DLGAP2: variants seen among roughly 807,000 people sequenced by gnomAD.
DLGAP2 encodes disks large-associated protein 2.
Under a neutral mutation model 100.3 loss-of-function variants are expected in DLGAP2, and 26 were observed. The observed-to-expected ratio is 0.26, with a 90% CI of 0.19 to 0.36. DLGAP2 has a LOEUF of 0.36. Among genes scored for constraint, DLGAP2 ranks in the 10% least tolerant of loss-of-function variants. The probability of loss-of-function intolerance (pLI) is 1.00; values close to 1 mark genes in which losing one functional copy is unlikely to be tolerated. For synonymous variants in DLGAP2, 886 were observed against 630.1 expected, an observed-to-expected ratio of 1.41 and a Z score of -6.08; for missense variants, 1,858 against 1,453.2, an observed-to-expected ratio of 1.28 and a Z score of -4.53.
At chr8:1,150,618 G>A (rs13277739) in intron 2 of DLGAP2, among the ~76,000 whole-genome samples, 64,688 of 152,082 alleles carry the variant, frequency 0.43, 15,323 homozygotes, top group Non-Finnish European at 0.54. Context: ...GGAGAGAAGG[G>A]TGGTGTCCAT....
At chr8:760,365 C>G (rs1018747943) in intron 1 of DLGAP2, among the ~76,000 whole-genome samples, 1 of 152,176 alleles carries the variant, frequency 6.6e-6, no homozygotes, top group Non-Finnish European at 1.5e-5. Context: ...CATCTCTCTC[C>G]TGGTTAGACC....
chr8:1,548,062 C>G (rs534044518), intron 4 of DLGAP2, among the ~76,000 whole-genome samples: 1 of 152,126 alleles, frequency 6.6e-6, no homozygotes, highest in East Asian at 1.9e-4. Flanking sequence ...CCACAAAATC[C>G]GGCTGTCAAG....
At chr8:1,169,900 C>T (rs541935352) in intron 2 of DLGAP2, among the ~76,000 whole-genome samples, 1 of 152,096 alleles carries the variant, frequency 6.6e-6, no homozygotes, top group South Asian at 2.1e-4. Flanking sequence ...ATTGCCCTGG[C>T]TAGAACTTCC....
At chr8:941,739 C>G (rs1399088362) in intron 2 of DLGAP2, among the ~76,000 whole-genome samples, 1 of 152,182 alleles carries the variant, frequency 6.6e-6, no homozygotes, top group Non-Finnish European at 1.5e-5. Context: ...GATGAGCTCT[C>G]TAGCATTTAG....
chr8:822,480 C>T (rs1236307261), intron 1 of DLGAP2, among the ~76,000 whole-genome samples: 2 of 152,190 alleles, frequency 1.3e-5, no homozygotes, highest in Non-Finnish European at 2.9e-5. Context: ...TTCTCATGCG[C>T]ACAGTGTTTC....
intron 2 of DLGAP2, among the ~76,000 whole-genome samples, chr8:1,066,431 G>A (rs567344755): frequency 6.6e-6 from 1 of 151,280 alleles, no homozygotes; most frequent in South Asian, 2.1e-4. Flanking sequence ...AGGTCTGAGT[G>A]AGGGCAGCTC....
chr8:970,848 A>G (rs1030393096), intron 2 of DLGAP2, among the ~76,000 whole-genome samples: 1 of 152,218 alleles, frequency 6.6e-6, no homozygotes, highest in Non-Finnish European at 1.5e-5. Context: ...TGAAATTTCC[A>G]TTGTCAGACC....
intron 1 of DLGAP2, among the ~76,000 whole-genome samples, chr8:863,202 G>T (rs988811915): frequency 2.0e-5 from 3 of 152,176 alleles, no homozygotes; most frequent in Non-Finnish European, 4.4e-5. Flanking sequence ...TTGTGGAAGG[G>T]GCAGTGGCAG....
chr8:787,647 C>T (rs1821908750), intron 1 of DLGAP2, among the ~76,000 whole-genome samples: 1 of 152,208 alleles, frequency 6.6e-6, no homozygotes, highest in South Asian at 2.1e-4. Flanking sequence ...TGGCCTCTTC[C>T]CCCCTTGGCC....
chr8:1,032,647 G>T (rs548036552), intron 2 of DLGAP2: 1 of 152,184 alleles, frequency 6.6e-6, no homozygotes, highest in Non-Finnish European at 1.5e-5. Context: ...AGTGGACAAG[G>T]AGGAAATATT....
At chr8:996,334 C>T (rs919113891) in intron 2 of DLGAP2, among the ~76,000 whole-genome samples, 4 of 152,234 alleles carry the variant, frequency 2.6e-5, no homozygotes, top group Middle Eastern at 3.4e-3. Context: ...AGCTCTTCTC[C>T]GAGGGCCCCA....
At chr8:1,491,072 G>A (rs1320675630) in intron 3 of DLGAP2, among the ~76,000 whole-genome samples, 3 of 19,906 alleles carry the variant, frequency 1.5e-4, no homozygotes, top group Admixed American at 8.8e-4. Context: ...AAATAAACTG[G>A]AAACCAAAAA....
At chr8:817,493 C>T (rs1252127105) in intron 1 of DLGAP2, among the ~76,000 whole-genome samples, 4 of 152,148 alleles carry the variant, frequency 2.6e-5, no homozygotes, top group Non-Finnish European at 4.4e-5. Flanking sequence ...GGTTTGGATC[C>T]ATTGCTGGTG....
chr8:1,276,698 A>G (rs1026086760), intron 3 of DLGAP2, among the ~76,000 whole-genome samples: 3 of 151,756 alleles, frequency 2.0e-5, no homozygotes, highest in Non-Finnish European at 2.9e-5. Flanking sequence ...AGAACAAGAC[A>G]CTCTTGTTCA....
At chr8:1,160,773 G>A (rs10102610) in intron 2 of DLGAP2, among the ~76,000 whole-genome samples, 28,756 of 152,216 alleles carry the variant, frequency 0.19, 2,853 homozygotes, top group Admixed American at 0.25. Context: ...AAAGCCTGGC[G>A]AGGAAGGCGA....
intron 2 of DLGAP2, among the ~76,000 whole-genome samples, chr8:1,167,782 C>T (rs1179567532): frequency 6.6e-6 from 1 of 152,154 alleles, no homozygotes; most frequent in African/African-American, 2.4e-5. Context: ...GTGTCTGACA[C>T]TGAGGTACAA....
rs552270830 is a variant in DLGAP2 at position 1,039,745 on chromosome 8, G to A, written c.73+131779G>A. Reference sequence around the variant, plus strand: ...TCAGCTTGGTTTCTGTGGTCAGCTCGGTTTCTGTAGTCGGCTCGGTGTGTG... The same window carrying A: ...TCAGCTTGGTTTCTGTGGTCAGCTCAGTTTCTGTAGTCGGCTCGGTGTGTG... On this transcript the variant is annotated intron_variant, in intron 2 of 14. Coordinates refer to ENST00000637795, the MANE Select transcript of DLGAP2 (RefSeq NM_001346810.2). 5.8e-5 allele frequency among the ~76,000 whole-genome samples: 8 copies of A among 138,914 alleles called. No individual in the cohort carries two copies. In the South Asian group the frequency reaches 9.7e-4, roughly 17 times the overall value. The allele number at this position is 138,914 out of a possible 152,430, so 91.1% of individuals were successfully genotyped here. A position where few individuals can be genotyped will look rare whatever the true frequency, so the allele number is the denominator to read the frequency against.
At chr8:851,092 T>G (rs914488048) in intron 1 of DLGAP2, among the ~76,000 whole-genome samples, 1 of 152,242 alleles carries the variant, frequency 6.6e-6, no homozygotes, top group African/African-American at 2.4e-5. Flanking sequence ...TCTGTTTGTT[T>G]GTGCCATAGG....
At chr8:1,475,241 A>G (rs151198046) in intron 3 of DLGAP2, among the ~76,000 whole-genome samples, 1 of 152,310 alleles carries the variant, frequency 6.6e-6, no homozygotes, top group East Asian at 1.9e-4. Context: ...AGTATCCGTC[A>G]TACCCCAAAC....
Sources: allele counts gnomAD v4.1 joint callset (sites outside exome capture counted in the v4.1 genomes callset), GRCh38; gene constraint gnomAD v4.1.1; transcripts MANE v1.5; gene names NCBI Gene and HGNC (gene_info 2026-07-23, HGNC 2026-07-21).